Variants in FAM241A observed in about 807,000 individuals in gnomAD.
FAM241A encodes uncharacterized protein FAM241A.
A neutral mutation model predicts 12.2 loss-of-function variants in FAM241A; 7 were observed. That is an observed-to-expected ratio of 0.58 (90% confidence interval 0.33 to 1.08). The LOEUF is 1.08. Among genes scored for constraint, FAM241A ranks in the 50% least tolerant of loss-of-function variants. FAM241A has a pLI of 0.04. For missense variants in FAM241A, 161 were observed against 169.7 expected (o/e 0.95, Z 0.29); for synonymous variants, 74 against 68.2 (o/e 1.08, Z -0.42).
chr4:112,159,666 G>A (rs764850364), intron 1 of FAM241A, among the ~76,000 whole-genome samples: 3 of 152,058 alleles, frequency 2.0e-5, no homozygotes, highest in Non-Finnish European at 4.4e-5. Context: ...CAGAATGAGG[G>A]ATAAAAACCA....
chr4:112,192,480 A>T lies in FAM241A; in HGVS notation c.*5542A>T, dbSNP rs1424622059. Reference sequence around the variant, plus strand: ...CATTTAGCATTAGGTATATCTCCTAATGCTATCCCTCTCCCCTCCCCCCAC... The same window carrying T: ...CATTTAGCATTAGGTATATCTCCTATTGCTATCCCTCTCCCCTCCCCCCAC... On this transcript the variant is annotated 3_prime_UTR_variant, in exon 2 of 2. Transcript: ENST00000309733. 1 of 149,844 alleles carries T rather than the reference A, an allele frequency of 6.7e-6. No individual in the cohort carries two copies. Among genetic ancestry groups the T allele is most frequent in the African/African-American group, 2.5e-5 (1 of 40,650 alleles). The allele number at this position is 149,844 out of a possible 1,614,324, so 9.3% of individuals were successfully genotyped here. A position where few individuals can be genotyped will look rare whatever the true frequency, so the allele number is the denominator to read the frequency against.
chr4:112,180,379 G>T (rs1200279830), intron 1 of FAM241A, among the ~76,000 whole-genome samples: 3 of 152,054 alleles, frequency 2.0e-5, no homozygotes, highest in Non-Finnish European at 4.4e-5. Flanking sequence ...TTTTAAAAGA[G>T]CTAAAGAAAT....
In FAM241A at chr4:112,145,671, A is replaced by C; in HGVS notation, c.91A>C (p.Thr31Pro). The C allele has an allele frequency of 5.0e-6, 6 of 1,212,104 alleles. No individual in the cohort carries two copies. Among genetic ancestry groups the C allele is most frequent in the Non-Finnish European group, 6.2e-6 (6 of 975,066 alleles). 75.1% of individuals were successfully genotyped at this position (1,212,104 alleles called of 1,614,324 possible). ...DALAEREAAG[T>P]GWDPGASPRR... The stretch of plus-strand genomic sequence containing the variant: ...GCTGGCGGAGCGGGAGGCGGCAGGG[A>C]CCGGGTGGGATCCCGGGGCGAGCCC... Residue 31 changes from threonine (T) to proline (P), a missense_variant, in exon 1 of 2, where the codon ACC becomes CCC. Physicochemically the swap from Thr to Pro is conservative, Grantham distance 38. Coordinates refer to ENST00000309733, the MANE Select transcript of FAM241A (RefSeq NM_152400.3).
chr4:112,185,153 A>G (rs1390334241), intron 1 of FAM241A, among the ~76,000 whole-genome samples: 5 of 152,144 alleles, frequency 3.3e-5, no homozygotes, highest in Admixed American at 1.3e-4. Flanking sequence ...AATTATTTGA[A>G]TCATGCCTCC....
At chr4:112,149,533 A>G (rs1277699199) in intron 1 of FAM241A, among the ~76,000 whole-genome samples, 1 of 152,216 alleles carries the variant, frequency 6.6e-6, no homozygotes, top group Non-Finnish European at 1.5e-5. Flanking sequence ...CTACCCTGGT[A>G]TAGATTCCTA....
rs1388220436 is a variant in FAM241A at position 112,192,591 on chromosome 4, G to A, written c.*5653G>A. On this transcript the variant is annotated 3_prime_UTR_variant, in exon 2 of 2. Coordinates refer to ENST00000309733, the MANE Select transcript of FAM241A (RefSeq NM_152400.3). ...AATTCCCATCTATGAGTGAGAACAT[G>A]TGGTGTTTGGTTTTTTGTCCTTGCG... 1 of 149,484 alleles carries A rather than the reference G, an allele frequency of 6.7e-6. No individual in the cohort carries two copies. The highest frequency in any genetic ancestry group is 2.5e-5 in the African/African-American group (1 of 40,388). The allele number at this position is 149,484 out of a possible 1,614,324, so 9.3% of individuals were successfully genotyped here.
At chr4:112,146,184 G>A (rs991588559) in intron 1 of FAM241A, among the ~76,000 whole-genome samples, 1 of 152,166 alleles carries the variant, frequency 6.6e-6, no homozygotes, top group African/African-American at 2.4e-5. Flanking sequence ...CACACCTAGC[G>A]TGTCTGGAAG....
At chr4:112,164,234 G>T (rs1723545165) in intron 1 of FAM241A, among the ~76,000 whole-genome samples, 1 of 150,948 alleles carries the variant, frequency 6.6e-6, no homozygotes, top group Non-Finnish European at 1.5e-5. Flanking sequence ...TACACATTTT[G>T]CACATGTATC....
At chr4:112,171,345 AAGC>A in intron 1 of FAM241A, 2 of 754,602 alleles carry the variant, frequency 2.7e-6, no homozygotes, top group Non-Finnish European at 4.8e-6. Flanking sequence ...TTACGACAAG[AAGC>A]AGAGTGACTA....
chr4:112,154,746 G>T (rs970600357), intron 1 of FAM241A, among the ~76,000 whole-genome samples: 1 of 152,048 alleles, frequency 6.6e-6, no homozygotes, highest in Admixed American at 6.5e-5. Context: ...TCAGAAAGAG[G>T]CTTGAGCAGG....
At chr4:112,149,515 T>C (rs1723205430) in intron 1 of FAM241A, among the ~76,000 whole-genome samples, 1 of 152,204 alleles carries the variant, frequency 6.6e-6, no homozygotes, top group Non-Finnish European at 1.5e-5. Flanking sequence ...TTGTAAATCC[T>C]TAAACTTCTA....
intron 1 of FAM241A, among the ~76,000 whole-genome samples, chr4:112,183,050 A>G (rs1463196268): frequency 6.6e-6 from 1 of 151,350 alleles, no homozygotes; most frequent in Non-Finnish European, 1.5e-5. Context: ...CCCCTATCCA[A>G]TTCATTGCTG....
At chr4:112,179,943 A>ATATATATATATTTATATG (rs1553921438) in intron 1 of FAM241A, among the ~76,000 whole-genome samples, 2 of 129,514 alleles carry the variant, frequency 1.5e-5, no homozygotes, top group Non-Finnish European at 3.2e-5. Flanking sequence ...ATATATGTAT[A>ATATATATATATTTATATG]TGTGTGTGTG....
intron 1 of FAM241A, among the ~76,000 whole-genome samples, chr4:112,184,896 T>C (rs1374591603): frequency 1.3e-5 from 2 of 152,228 alleles, no homozygotes; most frequent in Non-Finnish European, 2.9e-5. Context: ...CTTTGGTTTC[T>C]ACTAAAAGAA....
intron 1 of FAM241A, among the ~76,000 whole-genome samples, chr4:112,157,090 C>T (rs1005851087): frequency 1.3e-5 from 2 of 152,076 alleles, no homozygotes; most frequent in Non-Finnish European, 2.9e-5. Flanking sequence ...TTATGGTTCT[C>T]ATTAAACATA....
intron 1 of FAM241A, among the ~76,000 whole-genome samples, chr4:112,156,426 T>A (rs1034013906): frequency 3.3e-5 from 5 of 152,198 alleles, no homozygotes; most frequent in Non-Finnish European, 7.4e-5. Flanking sequence ...TGAAATTATC[T>A]TCCTTGTTAA....
At chr4:112,155,091 T>C (rs2110421437) in intron 1 of FAM241A, among the ~76,000 whole-genome samples, 1 of 152,270 alleles carries the variant, frequency 6.6e-6, no homozygotes, top group East Asian at 1.9e-4. Context: ...ATTCTTGAGT[T>C]CGTGGCCCAC....
chr4:112,173,442 C>T (rs1723762829), intron 1 of FAM241A, among the ~76,000 whole-genome samples: 1 of 152,104 alleles, frequency 6.6e-6, no homozygotes, highest in Non-Finnish European at 1.5e-5. Flanking sequence ...GGTTAACTTT[C>T]TTTAGGCTTA....
At chr4:112,151,349 C>T (rs1032502205) in intron 1 of FAM241A, among the ~76,000 whole-genome samples, 1 of 152,136 alleles carries the variant, frequency 6.6e-6, no homozygotes, top group Non-Finnish European at 1.5e-5. Context: ...AAGGAGATGC[C>T]AGCACTATGT....
Sources: allele counts gnomAD v4.1 joint callset (sites outside exome capture counted in the v4.1 genomes callset), GRCh38; gene constraint gnomAD v4.1.1; transcripts MANE v1.5; gene names NCBI Gene and HGNC (gene_info 2026-07-23, HGNC 2026-07-21).